CFAP300: variants seen among roughly 807,000 people sequenced by gnomAD.
The protein encoded by CFAP300 is cilia- and flagella-associated protein 300.
In CFAP300, 32 loss-of-function variants were observed where a neutral mutation model predicts 33.0. The ratio of observed to expected loss-of-function variants is 0.97; its 90% CI spans 0.73 to 1.30. The LOEUF is 1.30. CFAP300 is among the 50% of genes most tolerant of loss of function. The pLI, the probability that CFAP300 is intolerant of heterozygous loss-of-function variation, is 0.00. For missense variants in CFAP300, 356 were observed against 318.1 expected (o/e 1.12, Z -0.90); for synonymous variants, 102 against 106.8 (o/e 0.95, Z 0.28).
chr11:102,066,738 A>G (rs1392010395), intron 4 of CFAP300, 87 bp downstream of exon 4: 6 of 1,127,618 alleles, frequency 5.3e-6, no homozygotes, highest in Non-Finnish European at 7.6e-6. Flanking sequence ...TAAAGCATAA[A>G]ATACCTTGTC....
intron 2 of CFAP300, among the ~76,000 whole-genome samples, chr11:102,056,635 GTTTGT>G (rs1230738845): frequency 6.6e-6 from 1 of 151,914 alleles, no homozygotes; most frequent in Non-Finnish European, 1.5e-5. Flanking sequence ...TTGTTTGTTT[GTTTGT>G]TTTAAGATAG....
intron 2 of CFAP300, among the ~76,000 whole-genome samples, chr11:102,056,651 TCTCA>T (rs1219559439): frequency 6.6e-6 from 1 of 152,130 alleles, no homozygotes; most frequent in Non-Finnish European, 1.5e-5. Flanking sequence ...TTTAAGATAG[TCTCA>T]CTCTGTTACC....
At chr11:102,061,213 A>C (rs980115348) in intron 3 of CFAP300, among the ~76,000 whole-genome samples, 2 of 152,248 alleles carry the variant, frequency 1.3e-5, no homozygotes, top group Non-Finnish European at 2.9e-5. Context: ...ACACTATTTC[A>C]GAAGCAGAAG....
At chr11:102,075,431 C>T (rs1010665707) in intron 4 of CFAP300, among the ~76,000 whole-genome samples, 10 of 152,068 alleles carry the variant, frequency 6.6e-5, no homozygotes, top group African/African-American at 2.4e-4. Context: ...GGAGTAAGAA[C>T]AATCGTGATC....
At chr11:102,051,544 T>C (rs552992529) in intron 2 of CFAP300, among the ~76,000 whole-genome samples, 89 of 152,304 alleles carry the variant, frequency 5.8e-4, no homozygotes, top group African/African-American at 2.0e-3. Context: ...AGAATTGATA[T>C]TGGACTAGAA....
rs534307233 is a variant in CFAP300 at position 102,055,834 on chromosome 11, A to G, written c.193-3046A>G. Among the ~76,000 whole-genome samples the G allele has an allele frequency of 4.3e-4, 66 of 151,788 alleles. 1 individual carries two copies. The highest frequency in any genetic ancestry group is 1.4e-3 in the African/African-American group (59 of 41,340). On this transcript the variant is annotated intron_variant, in intron 2 of 6. Coordinates refer to ENST00000434758, the MANE Select transcript of CFAP300 (RefSeq NM_032930.3). ...ACTACAGGCGCCCGCCACCACGCCC[A>G]GATAATTTTTTGTATTTTTAGAGAC... is the stretch of plus-strand genomic sequence containing the variant.
chr11:102,076,124 A>G lies in CFAP300; in HGVS notation c.608+79A>G, dbSNP rs1591326623. On this transcript the variant is annotated intron_variant, in intron 5 of 6. Coordinates refer to ENST00000434758, the MANE Select transcript of CFAP300 (RefSeq NM_032930.3). The stretch of plus-strand genomic sequence containing the variant: ...TGCTTAACCTTGATGGAATTACACA[A>G]CATCATTCAGTGGTTATATTAACAA... 9.7e-6 allele frequency: 14 copies of G among 1,447,750 alleles called. No individual in the cohort carries two copies. The East Asian group carries it at 3.1e-4, about 32-fold the overall frequency. 89.7% of individuals were successfully genotyped at this position (1,447,750 alleles called of 1,614,324 possible).
chr11:102,069,668 T>C (rs1298214570), intron 4 of CFAP300, among the ~76,000 whole-genome samples: 5 of 151,900 alleles, frequency 3.3e-5, no homozygotes, highest in African/African-American at 1.2e-4. Context: ...CCAGACATGG[T>C]GGCATGCGCC....
intron 6 of CFAP300, 68 bp from the exon 7 acceptor site, chr11:102,083,000 AAAT>A (rs199765887): frequency 1.2e-5 from 11 of 882,294 alleles, no homozygotes; most frequent in East Asian, 6.1e-5. Context: ...CTGTCTCAAA[AAAT>A]AATAATAATA....
chr11:102,078,380 A>T (rs1942429087), intron 5 of CFAP300, among the ~76,000 whole-genome samples: 1 of 152,232 alleles, frequency 6.6e-6, no homozygotes, highest in Non-Finnish European at 1.5e-5. Flanking sequence ...ATGTTTCTTT[A>T]TCCTTAAAAA....
At chr11:102,062,826 G>A (rs1163112003) in intron 3 of CFAP300, among the ~76,000 whole-genome samples, 1 of 152,126 alleles carries the variant, frequency 6.6e-6, no homozygotes, top group Non-Finnish European at 1.5e-5. Flanking sequence ...GACTTAATGA[G>A]CCATTTCAAC....
At chr11:102,060,530 A>C (rs954942688) in intron 3 of CFAP300, among the ~76,000 whole-genome samples, 3 of 152,086 alleles carry the variant, frequency 2.0e-5, no homozygotes, top group Non-Finnish European at 2.9e-5. Context: ...AAGTCCCTTC[A>C]ATAACTCTTG....
chr11:102,073,354 G>A (rs1458477270), intron 4 of CFAP300, among the ~76,000 whole-genome samples: 1 of 152,190 alleles, frequency 6.6e-6, no homozygotes, highest in Non-Finnish European at 1.5e-5. Context: ...CAGTTGAGTA[G>A]GCCTGTGCTC....
At chr11:102,055,548 G>A (rs1942040619) in intron 2 of CFAP300, among the ~76,000 whole-genome samples, 1 of 150,400 alleles carries the variant, frequency 6.6e-6, no homozygotes, top group African/African-American at 2.4e-5. Context: ...TAGTAGAGAT[G>A]GGGTTTCACC....
chr11:102,076,127 T>C (rs1942392018), intron 5 of CFAP300, 82 bp downstream of exon 5: 1 of 1,438,992 alleles, frequency 6.9e-7, no homozygotes, highest in African/African-American at 1.4e-5. Context: ...TTACACAACA[T>C]CATTCAGTGG....
intron 5 of CFAP300, among the ~76,000 whole-genome samples, chr11:102,077,731 T>G (rs901189834): frequency 2.0e-5 from 3 of 152,088 alleles, no homozygotes; most frequent in Non-Finnish European, 4.4e-5. Context: ...CAAGCCACCA[T>G]GCCTGGCTAA....
At position 102,081,286 on chromosome 11, in the gene CFAP300, G is replaced by A. The variant is rs746604945; in HGVS notation, c.675+5G>A. On this transcript the variant is annotated splice_donor_5th_base_variant and intron_variant, in intron 6 of 6. Transcript: ENST00000434758. ...GTCTTTAAAGTTTCAGCTTATGTAA[G>A]TGTGAGAGAACTTTTGCAACCAAAG... is the stretch of plus-strand genomic sequence containing the variant. 6.2e-7 allele frequency: 1 copy of A among 1,610,502 alleles called. No individual in the cohort carries two copies. The highest frequency in any genetic ancestry group is 1.7e-5 in the Admixed American group (1 of 59,912).
chr11:102,075,494 G>C (rs1942382792), intron 4 of CFAP300, among the ~76,000 whole-genome samples: 1 of 152,240 alleles, frequency 6.6e-6, no homozygotes, highest in African/African-American at 2.4e-5. Flanking sequence ...TCTCTGGGTA[G>C]AAGCCAAGAC....
chr11:102,054,637 G>T (rs1173905967), intron 2 of CFAP300, among the ~76,000 whole-genome samples: 1 of 146,380 alleles, frequency 6.8e-6, no homozygotes, highest in Non-Finnish European at 1.5e-5. Context: ...ACTGAGGCAG[G>T]AGAATCTATT....
Sources: gnomAD v4.1 joint callset for allele counts (sites outside exome capture counted in the v4.1 genomes callset) on GRCh38, gnomAD v4.1.1 for gene constraint, MANE v1.5 for transcripts, NCBI Gene and HGNC (gene_info 2026-07-23, HGNC 2026-07-21) for gene names.